HECTD2: variants seen among roughly 807,000 people sequenced by gnomAD.
The protein encoded by HECTD2 is probable E3 ubiquitin-protein ligase HECTD2.
A neutral mutation model predicts 103.2 loss-of-function variants in HECTD2; 35 were observed. The ratio of observed to expected loss-of-function variants is 0.34; its 90% CI spans 0.26 to 0.45. HECTD2 has a LOEUF of 0.45. Among genes scored for constraint, HECTD2 ranks in the 20% least tolerant of loss-of-function variants. HECTD2 has a pLI of 1.00. For synonymous variants in HECTD2, 281 were observed against 329.9 expected (o/e 0.85, Z 1.61); for missense variants, 596 against 937.4 (o/e 0.64, Z 4.76).
intron 2 of HECTD2, among the ~76,000 whole-genome samples, chr10:91,429,788 G>C (rs1233824642): frequency 6.6e-6 from 1 of 151,780 alleles, no homozygotes; most frequent in African/African-American, 2.4e-5. Flanking sequence ...TATTAGTCTT[G>C]CTAGCGGTCT....
chr10:91,500,407 C>T (rs1009687197), intron 18 of HECTD2, 95 bp from the exon 19 acceptor site: 1 of 369,624 alleles, frequency 2.7e-6, no homozygotes, highest in Non-Finnish European at 5.4e-6. Context: ...TATGAGAAAT[C>T]ATGACTTTTG....
In HECTD2 at chr10:91,410,388, G is replaced by C; in HGVS notation, c.-51G>C. On this transcript the variant is annotated 5_prime_UTR_variant, in exon 1 of 21. Transcript: ENST00000298068. ...GGCGGCAGCAGCAGCGCCAGCCCCA[G>C]CAACACTGAGGCCGCCGCCGCCGCC... 1.6e-6 allele frequency: 2 copies of C among 1,268,310 alleles called. No individual in the cohort carries two copies. The highest frequency in any genetic ancestry group is 2.0e-6 in the Non-Finnish European group (2 of 995,764). The allele number at this position is 1,268,310 out of a possible 1,614,324, so 78.6% of individuals were successfully genotyped here.
intron 1 of HECTD2, among the ~76,000 whole-genome samples, chr10:91,416,898 C>T (rs947760940): frequency 2.0e-5 from 3 of 150,052 alleles, no homozygotes; most frequent in Admixed American, 6.6e-5. Context: ...CATGCACTCT[C>T]TGAACTCTTT....
At chr10:91,472,329 G>T (rs1166383725) in intron 5 of HECTD2, among the ~76,000 whole-genome samples, 1 of 152,158 alleles carries the variant, frequency 6.6e-6, no homozygotes, top group Non-Finnish European at 1.5e-5. Context: ...AGACTTTAAT[G>T]TAAAAACTGA....
At chr10:91,473,698 TAA>T (rs768271427) in intron 5 of HECTD2, among the ~76,000 whole-genome samples, 1 of 152,228 alleles carries the variant, frequency 6.6e-6, no homozygotes, top group Non-Finnish European at 1.5e-5. Context: ...TGCTTCCACT[TAA>T]TAAACAGTAG....
At chr10:91,452,359 A>AGACC (rs1390358048) in intron 2 of HECTD2, among the ~76,000 whole-genome samples, 20 of 152,170 alleles carry the variant, frequency 1.3e-4, no homozygotes, top group Non-Finnish European at 2.6e-4. Context: ...TCAAAACTGA[A>AGACC]GACCAACAAA....
intron 1 of HECTD2, among the ~76,000 whole-genome samples, chr10:91,420,702 G>T (rs1199330407): frequency 6.6e-6 from 1 of 152,148 alleles, no homozygotes; most frequent in Non-Finnish European, 1.5e-5. Flanking sequence ...AAGGAACAGA[G>T]ACTGGCTGTT....
chr10:91,466,664 A>G (rs1321133253), intron 5 of HECTD2, among the ~76,000 whole-genome samples: 1 of 152,174 alleles, frequency 6.6e-6, no homozygotes, highest in Non-Finnish European at 1.5e-5. Context: ...ACACTCATGT[A>G]TTTACCCAAA....
In HECTD2 at chr10:91,410,649, C is replaced by T. The variant is rs368992277; in HGVS notation, c.138+73C>T. On this transcript the variant is annotated intron_variant, in intron 1 of 20. Coordinates refer to ENST00000298068, the MANE Select transcript of HECTD2 (RefSeq NM_182765.6). The stretch of plus-strand genomic sequence containing the variant: ...GGAGGGACGGCGGCCGGGCGAGGGC[C>T]GTCAGGAGGCCTGCGTTTACCCTGG... 23 of 1,281,470 alleles carry T rather than the reference C, an allele frequency of 1.8e-5. No individual in the cohort carries two copies. The African/African-American group carries it at 2.7e-4, about 15-fold the overall frequency. 79.4% of individuals were successfully genotyped at this position (1,281,470 alleles called of 1,614,324 possible). A position where few individuals can be genotyped will look rare whatever the true frequency, so the allele number is the denominator to read the frequency against.
chr10:91,436,481 T>C (rs1404172475), intron 2 of HECTD2, among the ~76,000 whole-genome samples: 1 of 152,032 alleles, frequency 6.6e-6, no homozygotes, highest in Non-Finnish European at 1.5e-5. Context: ...GGTCAATCAC[T>C]TAGTATTCAG....
chr10:91,428,677 TTGTC>T (rs1377705773), intron 2 of HECTD2, among the ~76,000 whole-genome samples: 1 of 151,708 alleles, frequency 6.6e-6, no homozygotes, highest in East Asian at 1.9e-4. Flanking sequence ...GGCTCTCTGT[TTGTC>T]TGTTATTGGT....
At chr10:91,409,375 ACTC>A (rs1842825038), upstream of HECTD2, 1 of 151,856 alleles carries the variant, frequency 6.6e-6, no homozygotes, top group South Asian at 2.1e-4. Context: ...TCAAGTTTTT[ACTC>A]CTATTTGTAA....
intron 6 of HECTD2, among the ~76,000 whole-genome samples, chr10:91,478,654 G>A (rs777232373): frequency 2.0e-5 from 3 of 151,946 alleles, no homozygotes; most frequent in Admixed American, 6.5e-5. Flanking sequence ...TTATAGGGAC[G>A]CCTAAGGCCA....
At chr10:91,420,952 G>C (rs576528627) in intron 1 of HECTD2, among the ~76,000 whole-genome samples, 8 of 152,200 alleles carry the variant, frequency 5.3e-5, no homozygotes, top group African/African-American at 1.9e-4. Context: ...ACCATGAGTG[G>C]GGCAATTTAA....
chr10:91,462,325 C>T, intron 5 of HECTD2, 141 bp downstream of exon 5: 3 of 1,125,448 alleles, frequency 2.7e-6, no homozygotes, highest in Non-Finnish European at 3.5e-6. Context: ...CTGGAATTCT[C>T]ATAAAGTTAG....
chr10:91,463,898 A>C (rs1845441904), intron 5 of HECTD2, among the ~76,000 whole-genome samples: 1 of 152,216 alleles, frequency 6.6e-6, no homozygotes, highest in Non-Finnish European at 1.5e-5. Flanking sequence ...CCTAACATGA[A>C]GCATATGCAT....
Position 91,473,262 on chromosome 10 carries a change from C to G in HECTD2, c.601-4939C>G, listed in dbSNP as rs372871562. Among the ~76,000 whole-genome samples the G allele has an allele frequency of 1.7e-3, 256 of 152,226 alleles. 2 individuals are homozygous for G. The highest frequency in any genetic ancestry group is 9.1e-3 in the South Asian group (44 of 4,828). On this transcript the variant is annotated intron_variant, in intron 5 of 20. Coordinates refer to ENST00000298068, the MANE Select transcript of HECTD2 (RefSeq NM_182765.6). ...TAAAGGAAAATTATTTGGCTGTCAGCAGACTGCTCCACAGCAATCTGGGAG... is the reference window on the plus strand; with the variant it reads ...TAAAGGAAAATTATTTGGCTGTCAGGAGACTGCTCCACAGCAATCTGGGAG...
intron 2 of HECTD2, among the ~76,000 whole-genome samples, chr10:91,444,694 T>C (rs1421868132): frequency 1.3e-5 from 2 of 152,092 alleles, no homozygotes; most frequent in East Asian, 3.8e-4. Flanking sequence ...TAAAATATAA[T>C]TCAAAAAGAG....
At chr10:91,418,994 A>G (rs1843242569) in intron 1 of HECTD2, among the ~76,000 whole-genome samples, 1 of 152,166 alleles carries the variant, frequency 6.6e-6, no homozygotes, top group South Asian at 2.1e-4. Context: ...GGTGAATTTT[A>G]TAGACATAGA....
Sources: allele counts gnomAD v4.1 joint callset (sites outside exome capture counted in the v4.1 genomes callset), GRCh38; gene constraint gnomAD v4.1.1; transcripts MANE v1.5; gene names NCBI Gene and HGNC (gene_info 2026-07-23, HGNC 2026-07-21).